Variants in GLMN observed in about 807,000 individuals in gnomAD.
GLMN encodes glomulin.
Under a neutral mutation model 87.8 loss-of-function variants are expected in GLMN, and 75 were observed. The observed-to-expected ratio is 0.85, with a 90% confidence interval of 0.71 to 1.04. GLMN has a LOEUF of 1.04. GLMN is among the 50% of genes least tolerant of loss of function. The pLI, the probability that GLMN is intolerant of heterozygous loss-of-function variation, is 0.00. For synonymous variants in GLMN, 206 were observed against 221.6 expected (o/e 0.93, Z 0.63); for missense variants, 588 against 658.8 (o/e 0.89, Z 1.18).
At chr1:92,286,790 C>G (rs1165578917) in intron 6 of GLMN, among the ~76,000 whole-genome samples, 198 bp from the exon 7 acceptor site, 1 of 152,194 alleles carries the variant, frequency 6.6e-6, no homozygotes, top group Admixed American at 6.5e-5. Context: ...TCCACTCTCA[C>G]GGATGAGATT....
intron 2 of GLMN, 72 bp from the exon 3 acceptor site, chr1:92,297,601 CT>C (rs1419796731): frequency 1.6e-6 from 2 of 1,247,440 alleles, no homozygotes; most frequent in Non-Finnish European, 2.3e-6. Flanking sequence ...AATACAATAA[CT>C]TCTTGATTTA....
At chr1:92,279,560 T>C (rs962606005) in intron 7 of GLMN, among the ~76,000 whole-genome samples, 4 of 151,782 alleles carry the variant, frequency 2.6e-5, no homozygotes, top group African/African-American at 9.7e-5. Context: ...CAGTGATTTC[T>C]GCATTTCCAA....
At chr1:92,330,166 T>C in the GLMN span, among the ~76,000 whole-genome samples, 1 of 152,298 alleles carries the variant, frequency 6.6e-6, no homozygotes, top group Non-Finnish European at 1.5e-5. Flanking sequence ...AGGAAGCCCA[T>C]TGATGCAGCC....
the GLMN span, among the ~76,000 whole-genome samples, chr1:92,348,157 G>T: frequency 6.6e-6 from 1 of 152,186 alleles, no homozygotes; most frequent in African/African-American, 2.4e-5. Flanking sequence ...CCAAAGTGCT[G>T]TGATTACAGG....
Position 92,246,454 on chromosome 1 carries a change from T to A in GLMN, c.*76A>T, listed in dbSNP as rs1365883532. The stretch of plus-strand genomic sequence containing the variant: ...CAAGCAGTAAATTTTTACAGAAAAA[T>A]TTTTTATAAAGGTATTAAATGAATC... On this transcript the variant is annotated 3_prime_UTR_variant, in exon 19 of 19. Coordinates refer to ENST00000370360, the MANE Select transcript of GLMN (RefSeq NM_053274.3). The A allele has an allele frequency of 7.0e-6, 5 of 715,776 alleles. No homozygotes were observed. Among genetic ancestry groups the A allele is most frequent in the East Asian group, 5.5e-5 (2 of 36,676 alleles). 44.3% of individuals were successfully genotyped at this position (715,776 alleles called of 1,614,324 possible).
chr1:92,278,430 T>C (rs1290176684), intron 7 of GLMN, among the ~76,000 whole-genome samples: 2 of 152,190 alleles, frequency 1.3e-5, no homozygotes, highest in Non-Finnish European at 2.9e-5. Flanking sequence ...TTAAATTATG[T>C]ATTCCTAATT....
Position 92,264,617 on chromosome 1 carries a change from AT to A in GLMN, c.1235del (p.Asn412IlefsTer21). ...TLFRCLLNTS[N>X]HSGVEAFIIQ... The stretch of plus-strand genomic sequence containing the variant: ...TAATAAAAGCCTCCACACCTGAGTG[AT>A]TACTTGTATTCAATAAGCACCTTGA... On this transcript the variant is annotated frameshift_variant, in exon 14 of 19. Coordinates refer to ENST00000370360, the MANE Select transcript of GLMN (RefSeq NM_053274.3). LOFTEE classifies it high-confidence loss of function. 6.3e-7 allele frequency: 1 copy of A among 1,579,256 alleles called. No individual in the cohort carries two copies. The highest frequency in any genetic ancestry group is 8.7e-7 in the Non-Finnish European group (1 of 1,148,432).
the GLMN span, among the ~76,000 whole-genome samples, chr1:92,306,789 G>C: frequency 6.6e-6 from 1 of 152,104 alleles, no homozygotes. Context: ...CAGTGAGTGA[G>C]ACCCTGTCCC....
chr1:92,299,813 G>A (rs1557583221), upstream of GLMN, among the ~76,000 whole-genome samples: 2 of 152,336 alleles, frequency 1.3e-5, no homozygotes, highest in East Asian at 1.9e-4. Flanking sequence ...TTTGTTATTT[G>A]TGTAGGAATC....
At chr1:92,338,017 T>A in the GLMN span, among the ~76,000 whole-genome samples, 1 of 152,202 alleles carries the variant, frequency 6.6e-6, no homozygotes, top group Non-Finnish European at 1.5e-5. Flanking sequence ...ACTATCATTC[T>A]GTTTTCCTAA....
chr1:92,292,683 A>G (rs1292826765), intron 3 of GLMN, among the ~76,000 whole-genome samples: 1 of 143,840 alleles, frequency 7.0e-6, no homozygotes, highest in Non-Finnish European at 1.5e-5. Flanking sequence ...TCAGCCTCCC[A>G]AAGTGCTGGG....
chr1:92,286,684 T>C, intron 6 of GLMN, 92 bp from the exon 7 acceptor site: 1 of 741,010 alleles, frequency 1.3e-6, no homozygotes, highest in South Asian at 1.4e-5. Context: ...ACTTGAAAAA[T>C]AACATAAGCA....
chr1:92,348,184 C>T, the GLMN span, among the ~76,000 whole-genome samples: 39,573 of 152,138 alleles, frequency 0.26, 6,538 homozygotes, highest in Non-Finnish European at 0.35. Context: ...CCACTGCATC[C>T]GGCCTAGGGC....
chr1:92,279,611 T>G (rs1265185167), intron 7 of GLMN, among the ~76,000 whole-genome samples: 1 of 151,850 alleles, frequency 6.6e-6, no homozygotes, highest in Non-Finnish European at 1.5e-5. Context: ...GGTTGGACAG[T>G]GGGTGCAGCC....
At chr1:92,358,670 C>T in the GLMN span, among the ~76,000 whole-genome samples, 9 of 152,108 alleles carry the variant, frequency 5.9e-5, no homozygotes, top group South Asian at 8.3e-4. Flanking sequence ...TCACTAAAGC[C>T]TTAATCTCCT....
At chr1:92,251,292 A>T (rs1421523046) in intron 16 of GLMN, among the ~76,000 whole-genome samples, 3 of 152,214 alleles carry the variant, frequency 2.0e-5, no homozygotes, top group African/African-American at 7.2e-5. Context: ...TAAATGGAAT[A>T]GAGTCCAAAA....
chr1:92,295,686 C>T (rs1269488967), intron 3 of GLMN, among the ~76,000 whole-genome samples: 1 of 152,112 alleles, frequency 6.6e-6, no homozygotes, highest in Non-Finnish European at 1.5e-5. Flanking sequence ...TTAGGAGCTC[C>T]AAAACCATGC....
the GLMN span, among the ~76,000 whole-genome samples, chr1:92,360,138 G>A: frequency 6.6e-6 from 1 of 152,184 alleles, no homozygotes; most frequent in Non-Finnish European, 1.5e-5. Flanking sequence ...GTGTGCCTCA[G>A]ACAGGTATGT....
intron 6 of GLMN, among the ~76,000 whole-genome samples, chr1:92,287,888 C>A (rs1321964416): frequency 6.6e-6 from 1 of 151,682 alleles, no homozygotes; most frequent in Non-Finnish European, 1.5e-5. Context: ...TATAACACAG[C>A]CCCATATATA....
Sources: allele counts gnomAD v4.1 joint callset (sites outside exome capture counted in the v4.1 genomes callset), GRCh38; gene constraint gnomAD v4.1.1; transcripts MANE v1.5; gene names NCBI Gene and HGNC (gene_info 2026-07-23, HGNC 2026-07-21).